Variants in PLCH1 observed in about 807,000 individuals in gnomAD.
PLCH1 encodes phospholipase C eta 1, also known as 1-phosphatidylinositol 4,5-bisphosphate phosphodiesterase eta-1.
PLCH1 carries 60 observed loss-of-function variants against 126.7 expected under a neutral mutation model. The observed-to-expected ratio is 0.47, with a 90% CI of 0.38 to 0.59. The LOEUF (loss-of-function observed/expected upper bound fraction) is 0.59, where lower values mean the gene tolerates loss of function less well. PLCH1 is among the 20% of genes least tolerant of loss of function. The pLI, the probability that PLCH1 is intolerant of heterozygous loss-of-function variation, is 0.00. For synonymous variants in PLCH1, 719 were observed against 734.9 expected (o/e 0.98, Z 0.35); for missense variants, 1,723 against 2,040.0 (o/e 0.84, Z 2.99).
At chr3:155,711,314 T>C (rs1170912713) in intron 1 of PLCH1, among the ~76,000 whole-genome samples, 1 of 152,160 alleles carries the variant, frequency 6.6e-6, no homozygotes, top group Non-Finnish European at 1.5e-5. Flanking sequence ...TCATGTAAAA[T>C]TTCTTTATTC....
intron 21 of PLCH1, among the ~76,000 whole-genome samples, chr3:155,458,179 C>A (rs1246571482): frequency 1.3e-5 from 2 of 151,276 alleles, no homozygotes; most frequent in African/African-American, 4.9e-5. Flanking sequence ...CCATCTCTAC[C>A]AAAAATACAA....
At chr3:155,478,284 CTAAT>C (rs1713634391), downstream of PLCH1, among the ~76,000 whole-genome samples, 1 of 151,740 alleles carries the variant, frequency 6.6e-6, no homozygotes, top group African/African-American at 2.4e-5. Flanking sequence ...GTGAAGATGG[CTAAT>C]TAATACAAAA....
At chr3:155,564,147 T>G (rs553626800) in intron 8 of PLCH1, among the ~76,000 whole-genome samples, 1 of 152,208 alleles carries the variant, frequency 6.6e-6, no homozygotes, top group Non-Finnish European at 1.5e-5. Flanking sequence ...TCATCCCTTC[T>G]ACTAGACTGT....
intron 4 of PLCH1, among the ~76,000 whole-genome samples, chr3:155,588,122 T>C (rs1372294202): frequency 6.6e-6 from 1 of 152,186 alleles, no homozygotes; most frequent in Non-Finnish European, 1.5e-5. Context: ...AAAGGTAAGG[T>C]ATTATGTCTT....
chr3:155,592,682 C>T (rs529746935), intron 4 of PLCH1, among the ~76,000 whole-genome samples: 3 of 152,176 alleles, frequency 2.0e-5, no homozygotes, highest in South Asian at 4.2e-4. Flanking sequence ...GAAGTAGCTG[C>T]CCCTGGAACT....
At chr3:155,465,618 T>G (rs1178680152) in intron 21 of PLCH1, among the ~76,000 whole-genome samples, 1 of 151,772 alleles carries the variant, frequency 6.6e-6, no homozygotes, top group African/African-American at 2.4e-5. Flanking sequence ...TAAAAGGGAC[T>G]CTCTCTTGCA....
intron 1 of PLCH1, among the ~76,000 whole-genome samples, chr3:155,737,231 C>CA (rs557369057): frequency 0.073 from 4,360 of 59,522 alleles, 697 homozygotes; most frequent in African/African-American, 0.24. Context: ...GCCTCCGTCT[C>CA]AAAAAAAAAA....
intron 2 of PLCH1, among the ~76,000 whole-genome samples, chr3:155,611,213 A>T (rs144548736): frequency 0.012 from 1,833 of 152,160 alleles, 20 homozygotes; most frequent in Middle Eastern, 0.051. Flanking sequence ...AACATGGCAA[A>T]CCCCCTCTCT....
Position 155,744,598 on chromosome 3 carries a change from C to A in PLCH1, c.-41+242G>T, listed in dbSNP as rs116402202. Among the ~76,000 whole-genome samples, 1,081 of 152,264 alleles carry A rather than the reference C, an allele frequency of 7.1e-3. 15 individuals are homozygous for A. Among genetic ancestry groups the A allele is most frequent in the African/African-American group, 0.025 (1,039 of 41,554 alleles). ...TTACATTATTTCGCGGACACACACACCCACCCTCATCCTTCTGAATTATGG... is the reference window on the plus strand; with the variant it reads ...TTACATTATTTCGCGGACACACACAACCACCCTCATCCTTCTGAATTATGG... On this transcript the variant is annotated intron_variant, in intron 1 of 22. Coordinates refer to ENST00000460012, the MANE Select transcript of PLCH1 (RefSeq NM_014996.4).
chr3:155,574,614 T>C lies in PLCH1; in HGVS notation c.772-6290A>G, dbSNP rs1729688100. ...GAGGGAGTGAAGAAACACCTCTAAA[T>C]GAATGGTCAGTTCATATTCAACTGA... On this transcript the variant is annotated intron_variant, in intron 6 of 22. Transcript: ENST00000460012. Among the ~76,000 whole-genome samples, 3 of 152,210 alleles carry C rather than the reference T, an allele frequency of 2.0e-5. No individual in the cohort carries two copies. The South Asian group carries it at 6.2e-4, about 32-fold the overall frequency.
At chr3:155,716,366 C>T (rs1377715146) in intron 1 of PLCH1, among the ~76,000 whole-genome samples, 1 of 152,190 alleles carries the variant, frequency 6.6e-6, no homozygotes, top group African/African-American at 2.4e-5. Flanking sequence ...TTAGTTACTT[C>T]ATTCAAATCT....
intron 12 of PLCH1, among the ~76,000 whole-genome samples, chr3:155,509,248 T>C (rs1322191307): frequency 3.9e-5 from 5 of 127,364 alleles, no homozygotes; most frequent in Non-Finnish European, 6.3e-5. Flanking sequence ...TCTCTCTTTT[T>C]TTCTTTATTA....
At chr3:155,453,562 A>G (rs961155039) in intron 21 of PLCH1, among the ~76,000 whole-genome samples, 3 of 152,162 alleles carry the variant, frequency 2.0e-5, no homozygotes, top group African/African-American at 7.2e-5. Flanking sequence ...GCATTAAAAT[A>G]CAACGCAAAA....
chr3:155,546,347 C>T (rs1289758694), intron 10 of PLCH1, among the ~76,000 whole-genome samples: 2 of 152,160 alleles, frequency 1.3e-5, no homozygotes, highest in Non-Finnish European at 2.9e-5. Context: ...TGAAAGACCT[C>T]TTCAAGAAGA....
chr3:155,517,134 C>T (rs567456802), intron 11 of PLCH1, among the ~76,000 whole-genome samples: 9 of 152,072 alleles, frequency 5.9e-5, no homozygotes, highest in Non-Finnish European at 1.3e-4. Context: ...TAATGAGACC[C>T]TGTCTCTACA....
rs773701811 is a variant in PLCH1 at position 155,492,842 on chromosome 3, G to T, written c.2194C>A (p.Pro732Thr). ...GCAGGAAGAGGGTCACCAGAGAAAG[G>T]GTTGAAAGTACCTAGGCCAAGTAAA... is the stretch of plus-strand genomic sequence containing the variant. ...PQQMCKGTFN[P>T]FSGDPLPANP... The change falls in exon 18 of 23, where the codon CCT (proline) becomes ACT (threonine). Residue 732 changes from proline (P) to threonine (T), a missense_variant. Coordinates refer to ENST00000460012, the MANE Select transcript of PLCH1 (RefSeq NM_014996.4). 1.3e-6 allele frequency: 2 copies of T among 1,598,084 alleles called. No individual in the cohort carries two copies. The highest frequency in any genetic ancestry group is 1.7e-6 in the Non-Finnish European group (2 of 1,173,512).
chr3:155,537,187 AAAAAAAAAAAAAACC>A (rs1723481752), intron 10 of PLCH1, among the ~76,000 whole-genome samples: 14 of 22,206 alleles, frequency 6.3e-4, no homozygotes, highest in East Asian at 2.9e-3. Flanking sequence ...CTAGCACTAC[AAAAAAAAAAAAAACC>A]AAAAAAAAAA....
intron 2 of PLCH1, among the ~76,000 whole-genome samples, chr3:155,619,969 A>G (rs1340726770): frequency 1.3e-5 from 2 of 152,252 alleles, no homozygotes; most frequent in Non-Finnish European, 2.9e-5. Flanking sequence ...CCTTTGTCCT[A>G]ATATCATAAG....
intron 2 of PLCH1, among the ~76,000 whole-genome samples, chr3:155,682,964 C>A (rs1744652803): frequency 6.6e-6 from 1 of 152,164 alleles, no homozygotes; most frequent in Admixed American, 6.5e-5. Flanking sequence ...AATGTTTATT[C>A]ATCACTGGAG....
Sources: gnomAD v4.1 joint callset for allele counts (sites outside exome capture counted in the v4.1 genomes callset) on GRCh38, gnomAD v4.1.1 for gene constraint, MANE v1.5 for transcripts, NCBI Gene and HGNC (gene_info 2026-07-23, HGNC 2026-07-21) for gene names.